Variants in MTNR1A observed in about 807,000 individuals in gnomAD.
The protein encoded by MTNR1A is melatonin receptor 1A.
MTNR1A carries 7 observed loss-of-function variants against 5.5 expected under a neutral mutation model. That is an observed-to-expected ratio of 1.28 (90% CI 0.73 to 2.40). The LOEUF is 2.40. Among genes scored for constraint, MTNR1A ranks in the 30% most tolerant of loss-of-function variants. The pLI, the probability that MTNR1A is intolerant of heterozygous loss-of-function variation, is 0.00. For missense variants in MTNR1A, 441 were observed against 464.4 expected, an observed-to-expected ratio of 0.95 and a Z score of 0.46; for synonymous variants, 196 against 202.7, an observed-to-expected ratio of 0.97 and a Z score of 0.28.
chr4:186,554,899 C>T (rs1345198422), intron 1 of MTNR1A, among the ~76,000 whole-genome samples: 1 of 152,226 alleles, frequency 6.6e-6, no homozygotes, highest in Non-Finnish European at 1.5e-5. Context: ...CCTGAGGCTT[C>T]TCAATCTAAT....
intron 1 of MTNR1A, among the ~76,000 whole-genome samples, chr4:186,540,564 A>G (rs1217934297): frequency 1.3e-5 from 2 of 152,252 alleles, no homozygotes; most frequent in African/African-American, 4.8e-5. Flanking sequence ...TAGAGTCTGA[A>G]TGCTCGAACA....
chr4:186,537,521 T>C (rs557150565), intron 1 of MTNR1A, among the ~76,000 whole-genome samples: 1 of 152,348 alleles, frequency 6.6e-6, no homozygotes, highest in African/African-American at 2.4e-5. Flanking sequence ...TCTTCTCTGT[T>C]GAATATAGTT....
intron 1 of MTNR1A, among the ~76,000 whole-genome samples, 170 bp from the exon 2 acceptor site, chr4:186,534,727 G>A (rs1736806908): frequency 6.6e-6 from 1 of 152,132 alleles, no homozygotes; most frequent in Non-Finnish European, 1.5e-5. Flanking sequence ...GTCCACTGCC[G>A]CTCCTGACAC....
At chr4:186,537,643 A>G (rs895370682) in intron 1 of MTNR1A, among the ~76,000 whole-genome samples, 3 of 152,368 alleles carry the variant, frequency 2.0e-5, no homozygotes, top group Middle Eastern at 3.4e-3. Flanking sequence ...ACAAAAATAT[A>G]GAGTTAAATT....
chr4:186,552,633 C>A lies in MTNR1A; in HGVS notation c.184+2549G>T, dbSNP rs138126860. On this transcript the variant is annotated intron_variant, in intron 1 of 1. Coordinates refer to ENST00000307161, the MANE Select transcript of MTNR1A (RefSeq NM_005958.4). ...ATCCTTTTCAAAGTATTCTCATATG[C>A]GCCACTTCACTACAGTCATTGCAAC... Among the ~76,000 whole-genome samples, 653 of 152,240 alleles carry A rather than the reference C, an allele frequency of 4.3e-3. 8 individuals are homozygous for A. Among genetic ancestry groups the A allele is most frequent in the African/African-American group, 0.015 (628 of 41,532 alleles).
Position 186,555,057 on chromosome 4 carries a change from C to T in MTNR1A, c.184+125G>A. The T allele has an allele frequency of 8.9e-7, 1 of 1,129,868 alleles. No individual in the cohort carries two copies. 70.0% of individuals were successfully genotyped at this position (1,129,868 alleles called of 1,614,324 possible). On this transcript the variant is annotated intron_variant, in intron 1 of 1. Coordinates refer to ENST00000307161, the MANE Select transcript of MTNR1A (RefSeq NM_005958.4). The surrounding 1 kb of genome is among the most constrained non-coding windows in gnomAD (Gnocchi z 4.1). ...CAGGCTGGAGAAGAGTCCTCTCTAACAGGAAAAATAACTCCAAGTCCGCAG... is the reference window on the plus strand; with the variant it reads ...CAGGCTGGAGAAGAGTCCTCTCTAATAGGAAAAATAACTCCAAGTCCGCAG...
At chr4:186,546,872 A>C (rs1481095516) in intron 1 of MTNR1A, among the ~76,000 whole-genome samples, 5 of 138,202 alleles carry the variant, frequency 3.6e-5, no homozygotes, top group Admixed American at 2.8e-4. Flanking sequence ...CACCGTCCAC[A>C]CCACACCCTG....
chr4:186,544,810 G>A (rs13113915), intron 1 of MTNR1A, among the ~76,000 whole-genome samples: 62,720 of 151,966 alleles, frequency 0.41, 13,180 homozygotes, highest in East Asian at 0.61. Context: ...AGGTGTTGTC[G>A]TAGACGCTGC....
At position 186,533,936 on chromosome 4, in the gene MTNR1A, A is replaced by G. The variant is rs1355058595; in HGVS notation, c.806T>C (p.Val269Ala). 6.2e-7 allele frequency: 1 copy of G among 1,614,066 alleles called. No homozygotes were observed. Among genetic ancestry groups the G allele is most frequent in the Non-Finnish European group, 8.5e-7 (1 of 1,180,044 alleles). The change falls in exon 2 of 2, where the codon GTG (valine) becomes GCG (alanine). Residue 269 changes from valine (V) to alanine (A), a missense_variant. Coordinates refer to ENST00000307161, the MANE Select transcript of MTNR1A (RefSeq NM_005958.4). ...LAVASDPASM[V>A]PRIPEWLFVA... is the part of the protein sequence containing the mutation. ...AAACAGCCACTCTGGGATCCTAGGC[A>G]CCATGCTGGCGGGGTCAGAGGCCAC...
chr4:186,552,459 T>G, intron 1 of MTNR1A, among the ~76,000 whole-genome samples: 1 of 152,358 alleles, frequency 6.6e-6, no homozygotes, highest in Non-Finnish European at 1.5e-5. Flanking sequence ...TGCCTGATAT[T>G]TTGTAAAATA....
intron 1 of MTNR1A, among the ~76,000 whole-genome samples, chr4:186,537,257 G>A (rs959719195): frequency 2.0e-5 from 3 of 152,104 alleles, no homozygotes; most frequent in Non-Finnish European, 4.4e-5. Context: ...GTGTGCCTGG[G>A]GGGTGTGTGG....
chr4:186,540,683 C>A (rs80284479), intron 1 of MTNR1A, among the ~76,000 whole-genome samples: 2 of 148,460 alleles, frequency 1.3e-5, no homozygotes, highest in Admixed American at 6.7e-5. Context: ...GTCTGACTGA[C>A]TGAAGGACCA....
At position 186,534,057 on chromosome 4, in the gene MTNR1A, G is replaced by T; in HGVS notation, c.685C>A (p.Leu229Met). 1 of 1,614,110 alleles carries T rather than the reference G, an allele frequency of 6.2e-7. No homozygotes were observed. The highest frequency in any genetic ancestry group is 1.1e-5 in the South Asian group (1 of 91,084). The change falls in exon 2 of 2, where the codon CTG becomes ATG. Residue 229 changes from leucine (L) to methionine (M), a missense_variant. Physicochemically the swap from Leu to Met is conservative, Grantham distance 15 (BLOSUM62 2). Coordinates refer to ENST00000307161, the MANE Select transcript of MTNR1A (RefSeq NM_005958.4). Reference sequence around the variant, plus strand: ...AAATTCCTGAAGTCCTGTGGTTTCAGTTTGGGTTTGCGGTCAGGTTTCACC... The same window carrying T: ...AAATTCCTGAAGTCCTGTGGTTTCATTTTGGGTTTGCGGTCAGGTTTCACC... ...QRVKPDRKPK[L>M]KPQDFRNFVT...
chr4:186,539,842 T>A (rs1420450830), intron 1 of MTNR1A, among the ~76,000 whole-genome samples: 1 of 152,214 alleles, frequency 6.6e-6, no homozygotes, highest in Non-Finnish European at 1.5e-5. Context: ...CTTGAATTGT[T>A]TATAGGGTTG....
intron 1 of MTNR1A, among the ~76,000 whole-genome samples, chr4:186,541,779 A>G (rs1737029740): frequency 6.6e-6 from 1 of 152,120 alleles, no homozygotes; most frequent in Non-Finnish European, 1.5e-5. Flanking sequence ...TCCCGAAACC[A>G]TTCCCCCACC....
rs899739969 is a variant in MTNR1A, at chr4:186,555,470, C to G, written c.-105G>C. 11 of 987,216 alleles carry G rather than the reference C, an allele frequency of 1.1e-5. No homozygotes were observed. In the African/African-American group the frequency reaches 1.9e-4, roughly 17 times the overall value. The allele number at this position is 987,216 out of a possible 1,614,324, so 61.2% of individuals were successfully genotyped here. A position where few individuals can be genotyped will look rare whatever the true frequency, so the allele number is the denominator to read the frequency against. ...CGCTCCCCGCGCCCACGCCCCATCCCGCGCGCTCCTCCACGCCGCGCCCCC... is the reference window on the plus strand; with the variant it reads ...CGCTCCCCGCGCCCACGCCCCATCCGGCGCGCTCCTCCACGCCGCGCCCCC... On this transcript the variant is annotated 5_prime_UTR_variant, in exon 1 of 2. Coordinates refer to ENST00000307161, the MANE Select transcript of MTNR1A (RefSeq NM_005958.4). The surrounding 1 kb of genome is among the most constrained non-coding windows in gnomAD (Gnocchi z 4.1).
chr4:186,533,660 G>C lies in MTNR1A; in HGVS notation c.*29C>G. 1 of 1,612,990 alleles carries C rather than the reference G, an allele frequency of 6.2e-7. No homozygotes were observed. Among genetic ancestry groups the C allele is most frequent in the African/African-American group, 1.3e-5 (1 of 75,040 alleles). On this transcript the variant is annotated 3_prime_UTR_variant, in exon 2 of 2. Transcript: ENST00000307161. ...TCAAGAGCGAGGCCTTGCGCAGCGT[G>C]TCCATCTCACCCGGAACGTGGTGCT...
intron 1 of MTNR1A, among the ~76,000 whole-genome samples, chr4:186,535,088 A>C (rs1195598197): frequency 6.6e-6 from 1 of 151,968 alleles, no homozygotes; most frequent in African/African-American, 2.4e-5. Flanking sequence ...CTCCTTACTA[A>C]CTGTCCAACC....
chr4:186,533,801 C>G lies in MTNR1A; in HGVS notation c.941G>C (p.Cys314Ser), dbSNP rs1301944803. Residue 314 changes from cysteine (C) to serine (S), a missense_variant, in exon 2 of 2, where the codon TGT becomes TCT. Cys to Ser is a moderately radical substitution (Grantham distance 112). Coordinates refer to ENST00000307161, the MANE Select transcript of MTNR1A (RefSeq NM_005958.4). ...GTCCACAAAGAACACCCTGGCTGTA[C>G]AGAGCGAGACTATAATTCTCCTGTA... is the stretch of plus-strand genomic sequence containing the variant. ...KEYRRIIVSLCTARVFFVDSS... is the reference protein window; with the variant it reads ...KEYRRIIVSLSTARVFFVDSS... The G allele has an allele frequency of 2.5e-6, 4 of 1,614,192 alleles. No individual in the cohort carries two copies. The South Asian group carries it at 4.4e-5, about 18-fold the overall frequency.
Sources: allele counts gnomAD v4.1 joint callset (sites outside exome capture counted in the v4.1 genomes callset), GRCh38; gene constraint gnomAD v4.1.1; non-coding constraint Gnocchi (gnomAD v3.1); transcripts MANE v1.5; gene names NCBI Gene and HGNC (gene_info 2026-07-23, HGNC 2026-07-21).